Variants in EHD1 observed in about 807,000 individuals in gnomAD.
EHD1 encodes the protein EH domain containing 1.
In EHD1, 19 loss-of-function variants were observed where a neutral mutation model predicts 39.0. That is an observed-to-expected ratio of 0.49 (90% CI 0.34 to 0.72). The LOEUF (loss-of-function observed/expected upper bound fraction) is 0.72, where lower values mean the gene tolerates loss of function less well. Ranked by LOEUF, EHD1 falls within the 30% of genes least tolerant of loss-of-function variation. The probability of loss-of-function intolerance (pLI) is 0.01; values close to 1 mark genes in which losing one functional copy is unlikely to be tolerated. For synonymous variants in EHD1, 323 were observed against 331.2 expected (o/e 0.98, Z 0.27); for missense variants, 542 against 751.5 (o/e 0.72, Z 3.26).
intron 2 of EHD1, among the ~76,000 whole-genome samples, chr11:64,863,462 C>T (rs761375458): frequency 2.3e-4 from 35 of 152,240 alleles, no homozygotes; most frequent in Admixed American, 7.2e-4. Flanking sequence ...CTCCACTACA[C>T]GGGTTCCCCC....
At chr11:64,858,356 A>AT (rs1472350403) in intron 3 of EHD1, among the ~76,000 whole-genome samples, 4 of 147,976 alleles carry the variant, frequency 2.7e-5, no homozygotes, top group Admixed American at 6.7e-5. Context: ...TAATTTTTGT[A>AT]TTTTTTTTAG....
intron 2 of EHD1, among the ~76,000 whole-genome samples, chr11:64,873,879 G>A (rs559318588): frequency 6.6e-5 from 10 of 151,194 alleles, no homozygotes; most frequent in Non-Finnish European, 1.3e-4. Flanking sequence ...GGGTTTCACT[G>A]TGTTAGCCAG....
rs1054572191 is a variant in EHD1, at chr11:64,868,456, G to A, written c.502+5965C>T. On this transcript the variant is annotated intron_variant, in intron 2 of 4. Coordinates refer to ENST00000320631, the MANE Select transcript of EHD1 (RefSeq NM_006795.4). The surrounding 1 kb of genome is among the most constrained non-coding windows in gnomAD (Gnocchi z 4.2). ...CCCCAACAGGTGAATGGATGACAACGGATGGTGCATCCCTATGATGGGACA... is the reference window on the plus strand; with the variant it reads ...CCCCAACAGGTGAATGGATGACAACAGATGGTGCATCCCTATGATGGGACA... 2.6e-5 allele frequency among the ~76,000 whole-genome samples: 4 copies of A among 152,202 alleles called. No homozygotes were observed. Among genetic ancestry groups the A allele is most frequent in the Admixed American group, 6.5e-5 (1 of 15,288 alleles).
chr11:64,874,558 C>A, intron 1 of EHD1, 40 bp from the exon 2 acceptor site: 1 of 1,513,602 alleles, frequency 6.6e-7, no homozygotes, highest in Non-Finnish European at 9.0e-7. Flanking sequence ...CGTCAAGACA[C>A]AGTCATCACT....
intron 3 of EHD1, among the ~76,000 whole-genome samples, chr11:64,858,225 G>A (rs1411269830): frequency 7.0e-6 from 1 of 143,860 alleles, no homozygotes; most frequent in Non-Finnish European, 1.5e-5. Flanking sequence ...TCTGCCACCT[G>A]GGATGGAGTG....
intron 2 of EHD1, among the ~76,000 whole-genome samples, chr11:64,861,897 T>C (rs757175059): frequency 6.6e-6 from 1 of 152,110 alleles, no homozygotes; most frequent in African/African-American, 2.4e-5. Context: ...CCATATTCTT[T>C]TTAAAAAAAT....
At chr11:64,855,028 C>T in intron 4 of EHD1, 171 bp from the exon 5 acceptor site, 3 of 925,072 alleles carry the variant, frequency 3.2e-6, no homozygotes, top group Non-Finnish European at 3.2e-6. Flanking sequence ...ACACAGGAGG[C>T]ACCTCCAGCT....
intron 2 of EHD1, among the ~76,000 whole-genome samples, chr11:64,871,344 C>G (rs533187707): frequency 5.9e-5 from 9 of 152,286 alleles, no homozygotes; most frequent in Non-Finnish European, 1.3e-4. Context: ...CCACTCCGAC[C>G]TCCTCCGCTG....
At position 64,854,084 on chromosome 11, in the gene EHD1, A is replaced by G; in HGVS notation, c.*249T>C. The G allele has an allele frequency of 1.5e-6, 1 of 669,702 alleles. No homozygotes were observed. The highest frequency in any genetic ancestry group is 2.4e-6 in the Non-Finnish European group (1 of 412,116). The allele number at this position is 669,702 out of a possible 1,614,324, so 41.5% of individuals were successfully genotyped here. ...TGGCACACAGGGGAGGCGGCGACAA[A>G]GAACGCAGCCTCTAACGTTATATAT... On this transcript the variant is annotated 3_prime_UTR_variant, in exon 5 of 5. Coordinates refer to ENST00000320631, the MANE Select transcript of EHD1 (RefSeq NM_006795.4).
At position 64,872,054 on chromosome 11, in the gene EHD1, G is replaced by A. The variant is rs867434788; in HGVS notation, c.502+2367C>T. Among the ~76,000 whole-genome samples, 4 of 152,342 alleles carry A rather than the reference G, an allele frequency of 2.6e-5. No individual in the cohort carries two copies. In the Middle Eastern group the frequency reaches 0.01, roughly 389 times the overall value. On this transcript the variant is annotated intron_variant, in intron 2 of 4. Transcript: ENST00000320631. ...ACCAGGGAAAGGAAGCAGAGGGAGT[G>A]GGAGGTGGGGAGGGAGCATCTCAGA...
intron 4 of EHD1, 77 bp downstream of exon 4, chr11:64,855,245 C>A (rs1017656835): frequency 7.8e-5 from 119 of 1,530,554 alleles, no homozygotes; most frequent in Non-Finnish European, 1.0e-4. Flanking sequence ...GATGGGATTC[C>A]CTCCAAATCC....
chr11:64,874,364 T>C (rs1227314342), intron 2 of EHD1, 57 bp downstream of exon 2: 21 of 1,481,956 alleles, frequency 1.4e-5, no homozygotes, highest in Admixed American at 2.0e-5. Context: ...TTGCAGATCT[T>C]AGAGAGAAGG....
Position 64,866,160 on chromosome 11 carries a change from G to C in EHD1, c.503-5824C>G, listed in dbSNP as rs374523935. On this transcript the variant is annotated intron_variant, in intron 2 of 4. Coordinates refer to ENST00000320631, the MANE Select transcript of EHD1 (RefSeq NM_006795.4). ...GAAAACATGGTACATATACCACAGA[G>C]AATACTATCCACCCATAAAAAGGAA... 2.2e-4 allele frequency among the ~76,000 whole-genome samples: 34 copies of C among 152,248 alleles called. 1 individual carries two copies. The East Asian group carries it at 4.6e-3, about 21-fold the overall frequency.
Position 64,852,978 on chromosome 11 carries a change from T to TGGTA in EHD1, c.*1351_*1354dup, listed in dbSNP as rs1170878058. On this transcript the variant is annotated 3_prime_UTR_variant, in exon 5 of 5. Transcript: ENST00000320631. Reference sequence around the variant, plus strand: ...AAGCCTGGTGGGAAGCCCAGCTGTGTGGTACCTGGTGCTCCACCTGCCTTG... The same window carrying TGGTA: ...AAGCCTGGTGGGAAGCCCAGCTGTGTGGTAGGTACCTGGTGCTCCACCTGCCTTG... 2.6e-5 allele frequency: 4 copies of TGGTA among 152,238 alleles called. No individual in the cohort carries two copies. The highest frequency in any genetic ancestry group is 9.7e-5 in the African/African-American group (4 of 41,446). The allele number at this position is 152,238 out of a possible 1,614,324, so 9.4% of individuals were successfully genotyped here.
Position 64,860,047 on chromosome 11 carries a change from G to T in EHD1, c.792C>A (p.Ile264=), listed in dbSNP as rs748757800. The T allele has an allele frequency of 1.2e-6, 2 of 1,614,188 alleles. No individual in the cohort carries two copies. The highest frequency in any genetic ancestry group is 1.7e-6 in the Non-Finnish European group (2 of 1,180,042). The change falls in exon 3 of 5, where the codon ATC becomes ATA. Residue 264 remains isoleucine (I), a synonymous_variant. Transcript: ENST00000320631. The stretch of plus-strand genomic sequence containing the variant: ...CCTCAAAGAGCTTGCGGTTGTCGGG[G>T]ATGAGGAGCGGGTGGGACCAGAAGG... ...IGSFWSHPLL[I]PDNRKLFEAE...
intron 3 of EHD1, 156 bp downstream of exon 3, chr11:64,859,768 C>CA: frequency 8.9e-7 from 1 of 1,118,858 alleles, no homozygotes; most frequent in Non-Finnish European, 1.2e-6. Flanking sequence ...GGGTGCTGAC[C>CA]AAAGACTGGT....
At chr11:64,859,804 C>T (rs1052391911) in intron 3 of EHD1, 120 bp downstream of exon 3, 68 of 1,355,358 alleles carry the variant, frequency 5.0e-5, no homozygotes, top group Non-Finnish European at 6.7e-5. Context: ...CAGCGCAGTG[C>T]AGGTCTGCCT....
chr11:64,852,225 C>G lies in EHD1; in HGVS notation c.*2108G>C, dbSNP rs576186661. The stretch of plus-strand genomic sequence containing the variant: ...TCCCCCATCTGTGACATCACCTGGG[C>G]CTGACTGGCCCCACCCTTAGTTGCA... On this transcript the variant is annotated 3_prime_UTR_variant, in exon 5 of 5. Transcript: ENST00000320631. The G allele has an allele frequency of 6.6e-6, 1 of 152,304 alleles. No homozygotes were observed. The highest frequency in any genetic ancestry group is 2.4e-5 in the African/African-American group (1 of 41,444). 9.4% of individuals were successfully genotyped at this position (152,304 alleles called of 1,614,324 possible).
Position 64,854,646 on chromosome 11 carries a change from C to T in EHD1, c.1292G>A (p.Gly431Asp). Residue 431 changes from glycine to aspartate, a missense_variant, in exon 5 of 5, where the codon GGC becomes GAC. Physicochemically the swap from Gly to Asp is moderately conservative, Grantham distance 94. Transcript: ENST00000320631. ...PFGHGYGEGA[G>D]EGIDDVEWVV... ...CCACTCCACGTCGTCGATGCCCTCG[C>T]CGGCCCCCTCGCCGTAGCCGTGCCC... The T allele has an allele frequency of 6.2e-7, 1 of 1,613,900 alleles. No individual in the cohort carries two copies. The highest frequency in any genetic ancestry group is 8.5e-7 in the Non-Finnish European group (1 of 1,179,948).
Sources: allele counts gnomAD v4.1 joint callset (sites outside exome capture counted in the v4.1 genomes callset), GRCh38; gene constraint gnomAD v4.1.1; non-coding constraint Gnocchi (gnomAD v3.1); transcripts MANE v1.5; gene names NCBI Gene and HGNC (gene_info 2026-07-23, HGNC 2026-07-21).